Variants in SCRIB observed in about 807,000 individuals in gnomAD.
SCRIB encodes scribble planar cell polarity protein.
In SCRIB, 72 loss-of-function variants were observed where a neutral mutation model predicts 170.0. The observed-to-expected ratio is 0.42, with a 90% CI of 0.35 to 0.52. The LOEUF is 0.52. Among genes scored for constraint, SCRIB ranks in the 20% least tolerant of loss-of-function variants. The probability of loss-of-function intolerance (pLI) is 0.02; values close to 1 mark genes in which losing one functional copy is unlikely to be tolerated. For missense variants in SCRIB, 2,475 were observed against 2,338.5 expected (o/e 1.06, Z -1.20); for synonymous variants, 1,298 against 1,044.3 (o/e 1.24, Z -4.68).
In SCRIB at chr8:143,815,280, G is replaced by T. The variant is rs147731207; in HGVS notation, c.93C>A (p.Ile31=). ...CCTCCAGGCTGCGGCTGTAGCGGTA[G>T]ATCTCCTCCGGCACGGCCTGCAGCG... is the stretch of plus-strand genomic sequence containing the variant. ...HCSLQAVPEE[I]YRYSRSLEEL... The change falls in exon 1 of 37, where the codon ATC becomes ATA. Residue 31 remains isoleucine, a synonymous_variant. Coordinates refer to ENST00000356994, the MANE Select transcript of SCRIB (RefSeq NM_182706.5). 3.1e-6 allele frequency: 5 copies of T among 1,597,432 alleles called. No individual in the cohort carries two copies. The highest frequency in any genetic ancestry group is 4.3e-6 in the Non-Finnish European group (5 of 1,174,912).
chr8:143,802,396 C>T (rs781876419), intron 24 of SCRIB, among the ~76,000 whole-genome samples: 9 of 152,262 alleles, frequency 5.9e-5, no homozygotes, highest in Non-Finnish European at 1.0e-4. Context: ...GAGGGGCCGC[C>T]GCATCCCAGA....
intron 17 of SCRIB, 113 bp from the exon 18 acceptor site, chr8:143,806,597 C>A: frequency 1.2e-6 from 1 of 851,658 alleles, no homozygotes; most frequent in South Asian, 1.5e-5. Flanking sequence ...CTAGCCCTGG[C>A]CAGCAGGAGG....
At chr8:143,813,559 A>G (rs1199821840) in intron 4 of SCRIB, 33 bp from the exon 5 acceptor site, 1 of 1,613,044 alleles carries the variant, frequency 6.2e-7, no homozygotes, top group Non-Finnish European at 8.5e-7. Context: ...GGGCAAGAGG[A>G]AGGAAAGCAG....
Position 143,792,326 on chromosome 8 carries a change from G to A in SCRIB, c.4408C>T (p.Arg1470Trp), listed in dbSNP as rs782393595. 24 of 1,547,704 alleles carry A rather than the reference G, an allele frequency of 1.6e-5. No individual in the cohort carries two copies. The highest frequency in any genetic ancestry group is 8.2e-5 in the South Asian group (7 of 85,526). The change falls in exon 32 of 37, where the codon CGG (arginine) becomes TGG (tryptophan). Residue 1470 changes from arginine to tryptophan, a missense_variant. Around this residue, in one of 3 missense-constraint regions of SCRIB, gnomAD observed 1,966 missense variants for 1,742.9 expected, o/e 1.13. Transcript: ENST00000356994. ...GGCTCCGGACTCTGCACGCGCAGCCGCTCCTGGTGGCGCCGTTCAGCTTTG... is the reference window on the plus strand; with the variant it reads ...GGCTCCGGACTCTGCACGCGCAGCCACTCCTGGTGGCGCCGTTCAGCTTTG... ...TAKAERRHQE[R>W]LRVQSPEPPA...
chr8:143,797,504 T>C (rs1320383245), intron 24 of SCRIB, among the ~76,000 whole-genome samples: 3 of 152,186 alleles, frequency 2.0e-5, no homozygotes, highest in African/African-American at 7.2e-5. Flanking sequence ...AACAGCCTAT[T>C]ATATGCTCTC....
chr8:143,805,603 T>C (rs1815390725), intron 18 of SCRIB, among the ~76,000 whole-genome samples, 168 bp from the exon 19 acceptor site: 1 of 152,032 alleles, frequency 6.6e-6, no homozygotes, highest in African/African-American at 2.4e-5. Flanking sequence ...AGGTTCCTCG[T>C]GGGCACCGAC....
intron 27 of SCRIB, among the ~76,000 whole-genome samples, chr8:143,794,537 C>T (rs1554633686): frequency 6.6e-6 from 1 of 152,124 alleles, no homozygotes; most frequent in African/African-American, 2.4e-5. Context: ...AGCCACCCCT[C>T]GGCACTCACG....
At position 143,805,232 on chromosome 8, in the gene SCRIB, C is replaced by T. The variant is rs1186644192; in HGVS notation, c.2550G>A (p.Pro850=). 4.8e-5 allele frequency: 74 copies of T among 1,541,962 alleles called. No homozygotes were observed. The highest frequency in any genetic ancestry group is 9.6e-5 in the African/African-American group (7 of 72,940). The change falls in exon 19 of 37, where the codon CCG becomes CCA. Residue 850 remains proline, a synonymous_variant. Coordinates refer to ENST00000356994, the MANE Select transcript of SCRIB (RefSeq NM_182706.5). Reference sequence around the variant, plus strand: ...GACGGAGGGGCCCGGGGCTCTCAGGCGGGAGCAGGGGCAGGCGCAGCCCCC... The same window carrying T: ...GACGGAGGGGCCCGGGGCTCTCAGGTGGGAGCAGGGGCAGGCGCAGCCCCC... The part of the protein sequence containing the change: ...RGGGLRLPLL[P]PESPGPLRQR...
At chr8:143,811,401 G>A (rs1267277670) in intron 9 of SCRIB, 56 bp from the exon 10 acceptor site, 2 of 1,510,764 alleles carry the variant, frequency 1.3e-6, no homozygotes, top group Middle Eastern at 1.7e-4. Flanking sequence ...GTGGGAAGGA[G>A]ATGACAGCCC....
chr8:143,799,524 C>A (rs949777341), intron 24 of SCRIB, among the ~76,000 whole-genome samples: 5 of 152,156 alleles, frequency 3.3e-5, no homozygotes, highest in African/African-American at 4.8e-5. Flanking sequence ...ATGCCAAACA[C>A]GCGGGGTAGC....
chr8:143,810,351 G>C, intron 13 of SCRIB, 128 bp downstream of exon 13: 1 of 1,375,316 alleles, frequency 7.3e-7, no homozygotes, highest in Non-Finnish European at 9.9e-7. Flanking sequence ...CCTGAAACCT[G>C]TCACCAGCCT....
intron 24 of SCRIB, among the ~76,000 whole-genome samples, 189 bp downstream of exon 24, chr8:143,803,174 ACAGCTCGATGAGCCGGAGCT>A (rs1319175286): frequency 7.9e-5 from 12 of 152,082 alleles, no homozygotes. Context: ...GGGCCTCTGG[ACAGCTCGATGAGCCGGAGCT>A]CAGCAGAAAG....
rs780658165 is a variant in SCRIB, at chr8:143,808,681, C to A, written c.2043G>T (p.Arg681Ser). 2 of 1,543,546 alleles carry A rather than the reference C, an allele frequency of 1.3e-6. No homozygotes were observed. The highest frequency in any genetic ancestry group is 1.7e-6 in the Non-Finnish European group (2 of 1,147,972). ...CAGTGCTGGCCTCTTCCTCTTCAGC[C>A]CTGTTTTCCTCCTCCTCCTCTTCCT... The part of the protein sequence containing the change: ...EEEEEEEEEN[R>S]AEEEEASTEE... Residue 681 changes from arginine to serine, a missense_variant, in exon 15 of 37, where the codon AGG becomes AGT. Physicochemically the swap from Arg to Ser is moderately radical, Grantham distance 110 (BLOSUM62 -1). This residue lies in a region of SCRIB where 1,966 missense variants were observed against 1,742.9 expected (regional missense o/e 1.13). Coordinates refer to ENST00000356994, the MANE Select transcript of SCRIB (RefSeq NM_182706.5).
chr8:143,806,786 A>G, intron 17 of SCRIB, 138 bp downstream of exon 17: 1 of 692,312 alleles, frequency 1.4e-6, no homozygotes, highest in East Asian at 2.7e-5. Context: ...GGGATCCCAC[A>G]ACAGTAGGTG....
chr8:143,805,971 G>C (rs952239062), intron 18 of SCRIB, among the ~76,000 whole-genome samples: 1 of 152,122 alleles, frequency 6.6e-6, no homozygotes, highest in Non-Finnish European at 1.5e-5. Flanking sequence ...CCGGATGCCC[G>C]TGCCCCGGCT....
In SCRIB at chr8:143,806,942, G is replaced by A. The variant is rs782806220; in HGVS notation, c.2250C>T (p.Pro750=). ...TGCTCACCTCGTCGTCCCCCTTATA[G>A]GGTGTGGAGCCCTTGCCGCCCGCAA... ...ISIAGGKGST[P]YKGDDEGIFI... The change falls in exon 17 of 37, where the codon CCC becomes CCT. Residue 750 remains proline (P), a synonymous_variant. Coordinates refer to ENST00000356994, the MANE Select transcript of SCRIB (RefSeq NM_182706.5). 2.5e-6 allele frequency: 4 copies of A among 1,612,668 alleles called. No individual in the cohort carries two copies. Among genetic ancestry groups the A allele is most frequent in the South Asian group, 1.1e-5 (1 of 90,760 alleles).
At chr8:143,793,826 G>A in intron 28 of SCRIB, 74 bp downstream of exon 28, 1 of 1,463,846 alleles carries the variant, frequency 6.8e-7, no homozygotes, top group Non-Finnish European at 9.5e-7. Flanking sequence ...CTGGAGGAGG[G>A]GCCCTGTGCA....
rs781975963 is a variant in SCRIB, at chr8:143,805,272, C to T, written c.2510G>A (p.Arg837Gln). ...PLRPEDDYSP[R>Q]ERRGGGLRLP... The stretch of plus-strand genomic sequence containing the variant: ...GCGCAGCCCCCCTCCCCGCCGCTCT[C>T]GGGGGCTGTAATCATCCTCGGGCCG... The change falls in exon 19 of 37, where the codon CGA becomes CAA. Residue 837 changes from arginine to glutamine, a missense_variant. Around this residue, in one of 3 missense-constraint regions of SCRIB, gnomAD observed 1,966 missense variants for 1,742.9 expected, o/e 1.13. Transcript: ENST00000356994. The T allele has an allele frequency of 2.3e-5, 36 of 1,554,332 alleles. No individual in the cohort carries two copies. Among genetic ancestry groups the T allele is most frequent in the East Asian group, 1.9e-4 (8 of 41,658 alleles).
Position 143,803,635 on chromosome 8 carries a change from G to A in SCRIB, c.3414+12C>T. 1 of 1,532,904 alleles carries A rather than the reference G, an allele frequency of 6.5e-7. No homozygotes were observed. The highest frequency in any genetic ancestry group is 1.2e-5 in the South Asian group (1 of 84,274). The allele number at this position is 1,532,904 out of a possible 1,614,324, so 95.0% of individuals were successfully genotyped here. A position where few individuals can be genotyped will look rare whatever the true frequency, so the allele number is the denominator to read the frequency against. Reference sequence around the variant, plus strand: ...GTGGGGCCCAGGGCGGGCTGGGGTGGGGGGGGCTCACCTTGGAGATGAAGA... The same window carrying A: ...GTGGGGCCCAGGGCGGGCTGGGGTGAGGGGGGCTCACCTTGGAGATGAAGA... On this transcript the variant is annotated intron_variant, in intron 23 of 36. Coordinates refer to ENST00000356994, the MANE Select transcript of SCRIB (RefSeq NM_182706.5).
Sources: gnomAD v4.1 joint callset for allele counts (sites outside exome capture counted in the v4.1 genomes callset) on GRCh38, gnomAD v4.1.1 for gene constraint, gnomAD v4.1.1 regional missense constraint, MANE v1.5 for transcripts, NCBI Gene and HGNC (gene_info 2026-07-23, HGNC 2026-07-21) for gene names.